KLF12: variants seen among roughly 807,000 people sequenced by gnomAD.
KLF12 encodes the protein Krueppel-like factor 12.
KLF12 carries 9 observed loss-of-function variants against 37.8 expected under a neutral mutation model. That is an observed-to-expected ratio of 0.24 (90% CI 0.14 to 0.42). The LOEUF (loss-of-function observed/expected upper bound fraction) is 0.42, where lower values mean the gene tolerates loss of function less well. Among genes scored for constraint, KLF12 ranks in the 10% least tolerant of loss-of-function variants. The probability of loss-of-function intolerance (pLI) is 1.00; values close to 1 mark genes in which losing one functional copy is unlikely to be tolerated. For missense variants in KLF12, 411 were observed against 516.0 expected, an observed-to-expected ratio of 0.80 and a Z score of 1.97; for synonymous variants, 208 against 202.1, an observed-to-expected ratio of 1.03 and a Z score of -0.25.
the KLF12 span, among the ~76,000 whole-genome samples, chr13:74,222,081 T>C: frequency 0.014 from 2,100 of 152,290 alleles, 135 homozygotes; most frequent in Admixed American, 0.12. Flanking sequence ...TCTACGTAGG[T>C]ATTTCAGTTA....
chr13:74,215,496 T>C, the KLF12 span, among the ~76,000 whole-genome samples: 494 of 149,344 alleles, frequency 3.3e-3, 1 homozygote, highest in Non-Finnish European at 5.5e-3. Context: ...TGCTTGGGTC[T>C]CTGCCTTTTA....
At chr13:73,859,543 G>A (rs942153883) in intron 3 of KLF12, among the ~76,000 whole-genome samples, 2 of 152,062 alleles carry the variant, frequency 1.3e-5, no homozygotes, top group Non-Finnish European at 2.9e-5. Context: ...TAAAATAATG[G>A]GCACTGCTAG....
rs1183630422 is a variant in KLF12, at chr13:73,770,526, T to A, written c.807-5526A>T. Among the ~76,000 whole-genome samples, 3 of 39,094 alleles carry A rather than the reference T, an allele frequency of 7.7e-5. No individual in the cohort carries two copies. In the East Asian group the frequency reaches 9.1e-4, roughly 12 times the overall value. 25.6% of individuals were successfully genotyped at this position (39,094 alleles called of 152,430 possible). A position where few individuals can be genotyped will look rare whatever the true frequency, so the allele number is the denominator to read the frequency against. On this transcript the variant is annotated intron_variant, in intron 5 of 7. Transcript: ENST00000377669. ...TATTATATACAATTAATATGTGAAC[T>A]TTTTTTTTTTTTTTGAGATGGAGTC... is the stretch of plus-strand genomic sequence containing the variant.
intron 3 of KLF12, among the ~76,000 whole-genome samples, chr13:73,924,456 T>C (rs1889281180): frequency 1.3e-5 from 2 of 152,184 alleles, no homozygotes; most frequent in Admixed American, 1.3e-4. Context: ...ATCTTTGATG[T>C]AACTACAGTG....
chr13:73,902,279 G>C (rs1385829855), intron 3 of KLF12, among the ~76,000 whole-genome samples: 1 of 152,106 alleles, frequency 6.6e-6, no homozygotes, highest in Non-Finnish European at 1.5e-5. Context: ...ATGTTTTAAT[G>C]CTCAACTATT....
intron 3 of KLF12, among the ~76,000 whole-genome samples, chr13:73,902,161 T>C (rs570432513): frequency 6.6e-6 from 1 of 152,300 alleles, no homozygotes; most frequent in South Asian, 2.1e-4. Context: ...TGGACTTTTA[T>C]TATCCCAAAA....
chr13:74,163,082 G>A, the KLF12 span, among the ~76,000 whole-genome samples: 1 of 152,106 alleles, frequency 6.6e-6, no homozygotes. Flanking sequence ...TATAGAAAGA[G>A]AGAAAACAAA....
At chr13:74,130,423 C>T (rs1331927875) in intron 1 of KLF12, among the ~76,000 whole-genome samples, 1 of 152,126 alleles carries the variant, frequency 6.6e-6, no homozygotes, top group Non-Finnish European at 1.5e-5. Flanking sequence ...AATCCCAGCA[C>T]TTTGGCAGGA....
chr13:73,843,457 G>A (rs747043132), intron 4 of KLF12, among the ~76,000 whole-genome samples: 5 of 151,906 alleles, frequency 3.3e-5, no homozygotes, highest in South Asian at 2.1e-4. Context: ...ACAGGCGTGC[G>A]CCACCACCCC....
intron 6 of KLF12, among the ~76,000 whole-genome samples, chr13:73,724,420 T>C (rs941893594): frequency 6.6e-6 from 1 of 152,130 alleles, no homozygotes; most frequent in East Asian, 1.9e-4. Context: ...TATTGAAAGT[T>C]TTTATTGCTT....
At chr13:74,269,543 G>T in the KLF12 span, among the ~76,000 whole-genome samples, 1 of 152,088 alleles carries the variant, frequency 6.6e-6, no homozygotes, top group East Asian at 1.9e-4. Context: ...TCTCCTTGTT[G>T]CAAGAGTAAA....
intron 1 of KLF12, among the ~76,000 whole-genome samples, chr13:74,118,492 G>A (rs991459535): frequency 6.6e-6 from 1 of 152,096 alleles, no homozygotes; most frequent in African/African-American, 2.4e-5. Context: ...AAGGAAATCT[G>A]GTTTCCTCTG....
At chr13:74,165,077 G>C in the KLF12 span, among the ~76,000 whole-genome samples, 1 of 152,062 alleles carries the variant, frequency 6.6e-6, no homozygotes, top group East Asian at 1.9e-4. Context: ...ACAAAGAAAT[G>C]ATAAATGCCT....
chr13:74,053,872 G>A (rs1873083075), intron 1 of KLF12, among the ~76,000 whole-genome samples: 1 of 151,774 alleles, frequency 6.6e-6, no homozygotes, highest in Non-Finnish European at 1.5e-5. Context: ...CACAATGAAT[G>A]GTAAAATGGG....
chr13:74,035,660 A>G (rs1412286779), intron 1 of KLF12, among the ~76,000 whole-genome samples: 3 of 152,176 alleles, frequency 2.0e-5, no homozygotes, highest in African/African-American at 7.2e-5. Context: ...AATCATAATC[A>G]TTCTAAAAAT....
At chr13:73,993,518 A>C (rs893688401) in intron 2 of KLF12, among the ~76,000 whole-genome samples, 1 of 152,258 alleles carries the variant, frequency 6.6e-6, no homozygotes, top group Non-Finnish European at 1.5e-5. Context: ...AAATTTAATG[A>C]CAACTGAACA....
the KLF12 span, among the ~76,000 whole-genome samples, chr13:74,197,482 C>T: frequency 6.6e-6 from 1 of 152,048 alleles, no homozygotes; most frequent in Non-Finnish European, 1.5e-5. Flanking sequence ...ACACCCCACA[C>T]ACTCACACAG....
chr13:73,796,308 T>C (rs927083884), intron 5 of KLF12, among the ~76,000 whole-genome samples: 1 of 152,222 alleles, frequency 6.6e-6, no homozygotes, highest in Non-Finnish European at 1.5e-5. Context: ...TAACCTGCTA[T>C]ATATCCTGGC....
chr13:73,853,014 CG>C (rs1885415206), intron 3 of KLF12, among the ~76,000 whole-genome samples: 1 of 151,496 alleles, frequency 6.6e-6, no homozygotes, highest in African/African-American at 2.4e-5. Flanking sequence ...GGACTACAGG[CG>C]CCCGCCACCA....
Sources: gnomAD v4.1 joint callset for allele counts (sites outside exome capture counted in the v4.1 genomes callset) on GRCh38, gnomAD v4.1.1 for gene constraint, MANE v1.5 for transcripts, NCBI Gene and HGNC (gene_info 2026-07-23, HGNC 2026-07-21) for gene names.